DNAH7: variants seen among roughly 807,000 people sequenced by gnomAD.
DNAH7 encodes dynein axonemal heavy chain 7.
DNAH7 carries 397 observed loss-of-function variants against 444.6 expected under a neutral mutation model. The ratio of observed to expected loss-of-function variants is 0.89; its 90% confidence interval spans 0.82 to 0.97. DNAH7 has a LOEUF of 0.97. Ranked by LOEUF, DNAH7 falls within the 50% of genes least tolerant of loss-of-function variation. The probability of loss-of-function intolerance (pLI) is 0.00; values close to 1 mark genes in which losing one functional copy is unlikely to be tolerated. For synonymous variants in DNAH7, 1,636 were observed against 1,624.4 expected (o/e 1.01, Z -0.17); for missense variants, 4,902 against 4,800.8 (o/e 1.02, Z -0.62).
At chr2:195,974,401 T>C (rs1456903708) in intron 15 of DNAH7, among the ~76,000 whole-genome samples, 1 of 152,210 alleles carries the variant, frequency 6.6e-6, no homozygotes, top group Non-Finnish European at 1.5e-5. Flanking sequence ...TCACCAACTG[T>C]TTTGCCCTTG....
Position 195,900,343 on chromosome 2 carries a change from T to C in DNAH7, c.4487A>G (p.His1496Arg), listed in dbSNP as rs779533493. ...GGCTCTCATTCCATAGTCGTAGTGA[T>C]GTTGAGATGACAGCTGCTCTGAACA... ...RLCSEQLSSQ[H>R]HYDYGMRAVK... Residue 1496 changes from histidine (H) to arginine (R), a missense_variant, in exon 28 of 65, where the codon CAT (histidine) becomes CGT (arginine). Physicochemically the swap from His to Arg is conservative, Grantham distance 29. Transcript: ENST00000312428. 3 of 1,613,890 alleles carry C rather than the reference T, an allele frequency of 1.9e-6. No homozygotes were observed. The highest frequency in any genetic ancestry group is 1.7e-5 in the Admixed American group (1 of 59,988).
intron 30 of DNAH7, chr2:195,892,943 C>A (rs1303384613): frequency 6.7e-6 from 1 of 150,068 alleles, no homozygotes; most frequent in African/African-American, 2.5e-5. Context: ...GAATATTAAC[C>A]TTTTTTTTTC....
At chr2:195,924,143 A>G (rs770161598) in intron 22 of DNAH7, among the ~76,000 whole-genome samples, 2 of 152,154 alleles carry the variant, frequency 1.3e-5, no homozygotes, top group Non-Finnish European at 2.9e-5. Flanking sequence ...ACCAGAGCCA[A>G]TCACAGTTCT....
chr2:195,808,044 C>T (rs1559111424), intron 53 of DNAH7, among the ~76,000 whole-genome samples: 1 of 152,260 alleles, frequency 6.6e-6, no homozygotes, highest in East Asian at 1.9e-4. Flanking sequence ...CCTAGGAGAG[C>T]TCTTGCATAT....
At chr2:195,930,624 T>G (rs905612908) in intron 21 of DNAH7, among the ~76,000 whole-genome samples, 1 of 152,114 alleles carries the variant, frequency 6.6e-6, no homozygotes, top group Non-Finnish European at 1.5e-5. Context: ...TGGAGATCTC[T>G]CAAAGAACTT....
intron 34 of DNAH7, among the ~76,000 whole-genome samples, chr2:195,885,186 A>G (rs2125193249): frequency 1.3e-5 from 2 of 152,320 alleles, no homozygotes; most frequent in Admixed American, 1.3e-4. Context: ...TCCATTTTCT[A>G]TTTAAATTTT....
At chr2:195,939,623 T>G (rs369079764) in intron 19 of DNAH7, among the ~76,000 whole-genome samples, 5 of 152,162 alleles carry the variant, frequency 3.3e-5, no homozygotes, top group African/African-American at 7.2e-5. Flanking sequence ...AGGGGAAGAA[T>G]TGAATTATTA....
chr2:196,064,895 G>A (rs752700456), intron 1 of DNAH7, among the ~76,000 whole-genome samples: 1 of 151,756 alleles, frequency 6.6e-6, no homozygotes, highest in Non-Finnish European at 1.5e-5. Context: ...GAACTCCTTG[G>A]GCATGTATTT....
Position 196,024,469 on chromosome 2 carries a change from C to T in DNAH7, c.703G>A (p.Asp235Asn). 6 of 1,583,666 alleles carry T rather than the reference C, an allele frequency of 3.8e-6. No homozygotes were observed. The highest frequency in any genetic ancestry group is 5.1e-6 in the Non-Finnish European group (6 of 1,167,690). ...GGAAGTTCATCTGTCTTCTTATCAT[C>T]TCCTTTCTCTCGAGGATCTTTTAAA... Reference protein sequence around the residue: ...FVLKDPREKGDDKKTDELPAH... With the variant: ...FVLKDPREKGNDKKTDELPAH... The change falls in exon 8 of 65, where the codon GAT (aspartate) becomes AAT (asparagine). Residue 235 changes from aspartate to asparagine, a missense_variant. Physicochemically the swap from Asp to Asn is conservative, Grantham distance 23. Transcript: ENST00000312428.
intron 37 of DNAH7, 36 bp downstream of exon 37, chr2:195,876,508 A>G (rs1701064893): frequency 5.6e-6 from 9 of 1,593,130 alleles, no homozygotes; most frequent in Non-Finnish European, 7.7e-6. Flanking sequence ...AGCAATGTAT[A>G]TGAATAGGCC....
chr2:196,048,231 A>T (rs976768402), intron 4 of DNAH7, 65 bp downstream of exon 4: 155 of 1,405,548 alleles, frequency 1.1e-4, no homozygotes, highest in Non-Finnish European at 1.5e-4. Context: ...ACTATTAACT[A>T]AATATTGTCT....
intron 45 of DNAH7, among the ~76,000 whole-genome samples, chr2:195,855,193 T>C (rs776434557): frequency 1.3e-5 from 2 of 152,356 alleles, no homozygotes; most frequent in Non-Finnish European, 2.9e-5. Context: ...CCTTTGTACA[T>C]AATAAGCATT....
At chr2:195,979,378 A>G (rs1414012218) in intron 15 of DNAH7, among the ~76,000 whole-genome samples, 1 of 152,170 alleles carries the variant, frequency 6.6e-6, no homozygotes, top group Non-Finnish European at 1.5e-5. Context: ...ATGATCAGTG[A>G]GTCAATGAAG....
At chr2:195,920,080 T>G (rs1687931039) in intron 24 of DNAH7, among the ~76,000 whole-genome samples, 1 of 152,048 alleles carries the variant, frequency 6.6e-6, no homozygotes, top group African/African-American at 2.4e-5. Context: ...TCTTGAAAAC[T>G]CAGTGTTTCT....
At position 195,817,792 on chromosome 2, in the gene DNAH7, A is replaced by C. The variant is rs760284385; in HGVS notation, c.9329T>G (p.Met3110Arg). ...CACAATTCCCAGAAGCTGATCTTGC[A>C]TTCCCTCAGGGGTTATCATGAAGTT... ...LLNFMITPEGMQDQLLGIVVA... is the reference protein window; with the variant it reads ...LLNFMITPEGRQDQLLGIVVA... Residue 3110 changes from methionine (M) to arginine (R), a missense_variant, in exon 50 of 65, where the codon ATG becomes AGG. Coordinates refer to ENST00000312428, the MANE Select transcript of DNAH7 (RefSeq NM_018897.3). 65 of 1,612,326 alleles carry C rather than the reference A, an allele frequency of 4.0e-5. No homozygotes were observed. The Admixed American group carries it at 1.1e-3, about 27-fold the overall frequency.
chr2:195,809,510 AATTT>A (rs1290910866), intron 52 of DNAH7, among the ~76,000 whole-genome samples: 3 of 152,190 alleles, frequency 2.0e-5, no homozygotes, highest in African/African-American at 7.2e-5. Flanking sequence ...TAATATAATC[AATTT>A]ATTTTAAAAT....
At chr2:195,899,499 A>G (rs1306538014) in intron 28 of DNAH7, among the ~76,000 whole-genome samples, 1 of 152,186 alleles carries the variant, frequency 6.6e-6, no homozygotes, top group Admixed American at 6.5e-5. Flanking sequence ...GTTTATTGCA[A>G]CAAACAATGA....
At chr2:195,929,000 G>C (rs992699412) in intron 21 of DNAH7, among the ~76,000 whole-genome samples, 1 of 151,976 alleles carries the variant, frequency 6.6e-6, no homozygotes. Flanking sequence ...AAGACTCCTG[G>C]AGCTGATAAA....
At chr2:196,011,738 C>T (rs746672375) in intron 10 of DNAH7, among the ~76,000 whole-genome samples, 8 of 152,138 alleles carry the variant, frequency 5.3e-5, no homozygotes, top group Non-Finnish European at 1.2e-4. Context: ...AGAGATACAG[C>T]TAATCAATCT....
Sources: gnomAD v4.1 joint callset for allele counts (sites outside exome capture counted in the v4.1 genomes callset) on GRCh38, gnomAD v4.1.1 for gene constraint, MANE v1.5 for transcripts, NCBI Gene and HGNC (gene_info 2026-07-23, HGNC 2026-07-21) for gene names.